RBFOX1: variants seen among roughly 807,000 people sequenced by gnomAD.
RBFOX1 encodes the protein RNA binding fox-1 homolog 1.
Under a neutral mutation model 57.7 loss-of-function variants are expected in RBFOX1, and 8 were observed. The ratio of observed to expected loss-of-function variants is 0.14; its 90% CI spans 0.08 to 0.25. The LOEUF is 0.25. Among genes scored for constraint, RBFOX1 ranks in the 10% least tolerant of loss-of-function variants. The probability of loss-of-function intolerance (pLI) is 1.00; values close to 1 mark genes in which losing one functional copy is unlikely to be tolerated. For missense variants in RBFOX1, 611 were observed against 548.5 expected (o/e 1.11, Z -1.14); for synonymous variants, 326 against 222.4 (o/e 1.47, Z -4.15).
In RBFOX1 at chr16:7,696,102, T is replaced by C. The variant is rs531460873; in HGVS notation, c.996-12954T>C. Among the ~76,000 whole-genome samples the C allele has an allele frequency of 5.9e-5, 9 of 152,348 alleles. No individual in the cohort carries two copies. In the South Asian group the frequency reaches 1.9e-3, roughly 32 times the overall value. The stretch of plus-strand genomic sequence containing the variant: ...GTGCCAACACATCTGGTCTGCTTTT[T>C]CTAGCCACATGGAATAGGCATTTTT... On this transcript the variant is annotated intron_variant, in intron 14 of 15. Transcript: ENST00000550418.
chr16:5,787,654 G>A (rs2054549534), intron 3 of RBFOX1, among the ~76,000 whole-genome samples: 1 of 152,208 alleles, frequency 6.6e-6, no homozygotes, highest in South Asian at 2.1e-4. Context: ...GTGACAAAGA[G>A]CTGGATCTCG....
chr16:6,988,111 G>A (rs191720960), intron 3 of RBFOX1, among the ~76,000 whole-genome samples: 9,999 of 152,156 alleles, frequency 0.066, 398 homozygotes, highest in South Asian at 0.17. Context: ...GATCCAGAGA[G>A]CACTGAGAAC....
intron 3 of RBFOX1, among the ~76,000 whole-genome samples, chr16:6,657,198 T>C (rs1011766983): frequency 2.6e-5 from 4 of 151,538 alleles, no homozygotes; most frequent in Non-Finnish European, 5.9e-5. Flanking sequence ...CTTCCCACTT[T>C]CTCGTCTTCC....
chr16:7,304,310 T>G (rs1447472567), intron 4 of RBFOX1: 2 of 982,524 alleles, frequency 2.0e-6, no homozygotes, highest in Admixed American at 6.2e-5. Context: ...AAAAAAAAAT[T>G]GTAGCGCCCA....
chr16:5,678,254 G>C (rs1201435724), intron 3 of RBFOX1, among the ~76,000 whole-genome samples: 2 of 152,198 alleles, frequency 1.3e-5, no homozygotes, highest in Admixed American at 6.5e-5. Context: ...CAGCCAGTCA[G>C]TGTCCTCTGA....
At chr16:5,931,895 C>T (rs2059066604) in intron 4 of RBFOX1, among the ~76,000 whole-genome samples, 1 of 152,198 alleles carries the variant, frequency 6.6e-6, no homozygotes, top group Non-Finnish European at 1.5e-5. Context: ...GCAGCCTTGA[C>T]CTCCTGGGCT....
chr16:5,805,268 GTTCA>G (rs773535372), intron 3 of RBFOX1, among the ~76,000 whole-genome samples: 13 of 152,108 alleles, frequency 8.5e-5, no homozygotes, highest in Non-Finnish European at 1.5e-4. Flanking sequence ...GACAGGATGG[GTTCA>G]TTCATTTATT....
intron 4 of RBFOX1, among the ~76,000 whole-genome samples, chr16:7,196,984 G>T (rs12445133): frequency 0.19 from 28,764 of 152,114 alleles, 2,983 homozygotes; most frequent in East Asian, 0.37. Context: ...ACGCAAGTCT[G>T]GGTAATTTTA....
intron 2 of RBFOX1, among the ~76,000 whole-genome samples, chr16:6,575,958 T>C (rs558703406): frequency 9.2e-5 from 14 of 152,162 alleles, no homozygotes; most frequent in Admixed American, 2.0e-4. Flanking sequence ...ATGGTGGTGG[T>C]AGGCATGGTG....
intron 1 of RBFOX1, among the ~76,000 whole-genome samples, chr16:6,208,950 TC>T (rs2097273770): frequency 6.6e-6 from 1 of 151,980 alleles, no homozygotes; most frequent in Non-Finnish European, 1.5e-5. Flanking sequence ...CTTGCTCACT[TC>T]CCCCATTTTT....
chr16:6,320,054 A>T (rs112491208), intron 2 of RBFOX1, among the ~76,000 whole-genome samples: 2 of 152,252 alleles, frequency 1.3e-5, no homozygotes, highest in African/African-American at 4.8e-5. Flanking sequence ...TTTCAAAAGC[A>T]TACTCTTAAT....
At chr16:5,672,041 T>C (rs1456473170) in intron 3 of RBFOX1, among the ~76,000 whole-genome samples, 1 of 152,062 alleles carries the variant, frequency 6.6e-6, no homozygotes, top group African/African-American at 2.4e-5. Flanking sequence ...TCTTTGAGAA[T>C]TGGAAAAAAA....
At chr16:5,274,144 C>G (rs528140851) in intron 1 of RBFOX1, among the ~76,000 whole-genome samples, 3 of 152,298 alleles carry the variant, frequency 2.0e-5, no homozygotes, top group Middle Eastern at 3.4e-3. Flanking sequence ...ACATATCCAT[C>G]GCTGCATCTC....
At chr16:5,966,992 G>GA (rs1555458303) in intron 4 of RBFOX1, among the ~76,000 whole-genome samples, 1 of 17,152 alleles carries the variant, frequency 5.8e-5, no homozygotes, top group Non-Finnish European at 1.4e-4. Flanking sequence ...GCACTAAATC[G>GA]GGGGGGGGGG....
At chr16:5,874,353 G>A (rs979168837) in intron 4 of RBFOX1, among the ~76,000 whole-genome samples, 12 of 152,194 alleles carry the variant, frequency 7.9e-5, no homozygotes, top group African/African-American at 2.9e-4. Flanking sequence ...TTGTAGTCTT[G>A]GAGAACAGGC....
intron 1 of RBFOX1, among the ~76,000 whole-genome samples, chr16:6,249,303 G>A (rs922894270): frequency 6.6e-6 from 1 of 152,144 alleles, no homozygotes; most frequent in African/African-American, 2.4e-5. Flanking sequence ...GAGGCAGATG[G>A]ATCACGAGGT....
intron 4 of RBFOX1, among the ~76,000 whole-genome samples, chr16:7,146,691 G>A (rs1231053445): frequency 6.6e-6 from 1 of 151,994 alleles, no homozygotes; most frequent in Middle Eastern, 3.2e-3. Flanking sequence ...GCTCATGCCT[G>A]CAATCCTGGC....
At chr16:5,636,709 C>G (rs928469323) in intron 3 of RBFOX1, among the ~76,000 whole-genome samples, 2 of 152,158 alleles carry the variant, frequency 1.3e-5, no homozygotes, top group African/African-American at 4.8e-5. Flanking sequence ...GAAGGGCCAT[C>G]TAGGGAACTC....
chr16:5,510,943 A>G (rs190133968), intron 2 of RBFOX1, among the ~76,000 whole-genome samples: 1 of 152,288 alleles, frequency 6.6e-6, no homozygotes, highest in East Asian at 1.9e-4. Context: ...AGTTATTATT[A>G]TCTGAATCAC....
Sources: allele counts gnomAD v4.1 joint callset (sites outside exome capture counted in the v4.1 genomes callset), GRCh38; gene constraint gnomAD v4.1.1; transcripts MANE v1.5; gene names NCBI Gene and HGNC (gene_info 2026-07-23, HGNC 2026-07-21).